The following TESK2 variants were observed in gnomAD, a reference collection of about 807,000 sequenced individuals.
TESK2 encodes dual specificity testis-specific protein kinase 2.
In TESK2, 39 loss-of-function variants were observed where a neutral mutation model predicts 57.1. The ratio of observed to expected loss-of-function variants is 0.68; its 90% CI spans 0.53 to 0.89. The LOEUF (loss-of-function observed/expected upper bound fraction) is 0.89. TESK2 is among the 40% of genes least tolerant of loss of function. The pLI is 0.00. For missense variants in TESK2, 646 were observed against 732.1 expected (o/e 0.88, Z 1.36); for synonymous variants, 249 against 267.9 (o/e 0.93, Z 0.69).
rs1650035168 is a variant in TESK2, at chr1:45,411,394, G to A, written c.344+10331C>T. Among the ~76,000 whole-genome samples, 6 of 152,118 alleles carry A rather than the reference G, an allele frequency of 3.9e-5. No homozygotes were observed. In the South Asian group the frequency reaches 1.2e-3, roughly 31 times the overall value. ...TTCCACCTGAGATCATCAGGCATTT[G>A]ATTCTCATAAGGGACGTGCAACCAA... On this transcript the variant is annotated intron_variant, in intron 3 of 10. Transcript: ENST00000372086.
chr1:45,417,275 A>G (rs545718464), intron 3 of TESK2, among the ~76,000 whole-genome samples: 4 of 152,042 alleles, frequency 2.6e-5, no homozygotes, highest in Non-Finnish European at 5.9e-5. Context: ...CTTGTTGCCC[A>G]GGCTGGAACG....
At chr1:45,375,246 C>T (rs1337856918) in intron 4 of TESK2, among the ~76,000 whole-genome samples, 2 of 152,098 alleles carry the variant, frequency 1.3e-5, no homozygotes, top group Admixed American at 6.6e-5. Flanking sequence ...TCTGATCTAG[C>T]CAGTGTTTCC....
chr1:45,474,906 T>C (rs533459201), intron 1 of TESK2, among the ~76,000 whole-genome samples: 11 of 151,418 alleles, frequency 7.3e-5, no homozygotes, highest in South Asian at 2.1e-4. Flanking sequence ...TAATGTGAGA[T>C]GGTAAAGCAC....
intron 2 of TESK2, among the ~76,000 whole-genome samples, chr1:45,429,345 G>A (rs534286557): frequency 1.3e-5 from 2 of 151,932 alleles, no homozygotes; most frequent in Non-Finnish European, 2.9e-5. Context: ...GCAGTGAGCC[G>A]AGATTGTGCC....
At chr1:45,417,880 C>T (rs1017776649) in intron 3 of TESK2, among the ~76,000 whole-genome samples, 3 of 152,130 alleles carry the variant, frequency 2.0e-5, no homozygotes, top group South Asian at 2.1e-4. Flanking sequence ...CGTGAGCCAC[C>T]GTACCCAGCA....
chr1:45,428,816 ATTT>A (rs71052876), intron 2 of TESK2, among the ~76,000 whole-genome samples: 3 of 82,592 alleles, frequency 3.6e-5, no homozygotes, highest in Non-Finnish European at 6.3e-5. Context: ...TAAATTCCTG[ATTT>A]TTTTTTTTTT....
chr1:45,386,580 A>C (rs1387491334), intron 3 of TESK2, among the ~76,000 whole-genome samples: 1 of 151,850 alleles, frequency 6.6e-6, no homozygotes, highest in Non-Finnish European at 1.5e-5. Context: ...TATATGGATT[A>C]GTTTTTTTAC....
At chr1:45,368,886 T>C (rs527347733) in intron 4 of TESK2, among the ~76,000 whole-genome samples, 1 of 151,944 alleles carries the variant, frequency 6.6e-6, no homozygotes, top group Non-Finnish European at 1.5e-5. Context: ...GAAGCTGGAA[T>C]TACAGGTGTG....
intron 4 of TESK2, among the ~76,000 whole-genome samples, chr1:45,384,612 T>TTA (rs1557551592): frequency 7.5e-5 from 10 of 133,734 alleles, no homozygotes; most frequent in Admixed American, 1.5e-4. Flanking sequence ...TTTTTTTTTT[T>TTA]TTTTTTTTTT....
chr1:45,479,729 A>G (rs931447060), intron 1 of TESK2, among the ~76,000 whole-genome samples: 2 of 151,832 alleles, frequency 1.3e-5, no homozygotes, highest in Admixed American at 6.6e-5. Flanking sequence ...CAGTTCACAG[A>G]GCATTTTGAT....
intron 1 of TESK2, among the ~76,000 whole-genome samples, chr1:45,483,275 C>T (rs1290531672): frequency 2.0e-4 from 29 of 147,954 alleles, no homozygotes; most frequent in Admixed American, 1.9e-3. Context: ...AGAGAGACTT[C>T]GTCTCAAAAA....
intron 2 of TESK2, among the ~76,000 whole-genome samples, chr1:45,440,800 C>T (rs1308263510): frequency 3.3e-5 from 5 of 152,048 alleles, no homozygotes; most frequent in Non-Finnish European, 7.4e-5. Flanking sequence ...CTGACACTCT[C>T]GTTTGCTGAC....
At chr1:45,369,173 T>C (rs1174260113) in intron 4 of TESK2, among the ~76,000 whole-genome samples, 3 of 152,138 alleles carry the variant, frequency 2.0e-5, no homozygotes, top group Non-Finnish European at 4.4e-5. Context: ...TGTACATTTA[T>C]GTAGGGAAGC....
At position 45,344,808 on chromosome 1, in the gene TESK2, C is replaced by T. The variant is rs757451975; in HGVS notation, c.*32G>A. The T allele has an allele frequency of 1.4e-5, 22 of 1,572,986 alleles. No homozygotes were observed. The South Asian group carries it at 2.4e-4, about 17-fold the overall frequency. On this transcript the variant is annotated 3_prime_UTR_variant, in exon 11 of 11. Transcript: ENST00000372086. ...GGCCATATGGTTTCAGCTGAAGGTCCATCCCCAAGGTGAGGCAGGGACTAA... is the reference window on the plus strand; with the variant it reads ...GGCCATATGGTTTCAGCTGAAGGTCTATCCCCAAGGTGAGGCAGGGACTAA...
intron 4 of TESK2, among the ~76,000 whole-genome samples, chr1:45,379,034 T>C (rs1253546655): frequency 6.6e-6 from 1 of 152,136 alleles, no homozygotes; most frequent in Admixed American, 6.5e-5. Flanking sequence ...CAACTTCACA[T>C]CTTTATCATG....
At chr1:45,481,631 T>G (rs528575709) in intron 1 of TESK2, among the ~76,000 whole-genome samples, 144 of 152,062 alleles carry the variant, frequency 9.5e-4, no homozygotes, top group Non-Finnish European at 1.7e-3. Flanking sequence ...TACATACAGA[T>G]TTTTTTCAAC....
In TESK2 at chr1:45,421,776, A is replaced by C. The variant is rs1435600537; in HGVS notation, c.293T>G (p.Met98Arg). Residue 98 changes from methionine (M) to arginine (R), a missense_variant, in exon 3 of 11, where the codon ATG becomes AGG. Physicochemically the swap from Met to Arg is moderately conservative, Grantham distance 91. Transcript: ENST00000372086. ...MNTLSSNRAN[M>R]LKEVQLMNRL... ...ATTCATGAGCTGTACTTCTTTCAGC[A>C]TGTTTGCCCGGTTACTGCTCAATGT... 1 of 1,614,106 alleles carries C rather than the reference A, an allele frequency of 6.2e-7. No homozygotes were observed. The highest frequency in any genetic ancestry group is 8.5e-7 in the Non-Finnish European group (1 of 1,179,992).
At chr1:45,385,191 T>C (rs1019141902) in intron 4 of TESK2, 3 of 197,570 alleles carry the variant, frequency 1.5e-5, no homozygotes, top group African/African-American at 7.1e-5. Flanking sequence ...TTTAAAAATA[T>C]AGATGTAATA....
chr1:45,481,355 A>G (rs1653215407), intron 1 of TESK2, among the ~76,000 whole-genome samples: 1 of 151,780 alleles, frequency 6.6e-6, no homozygotes, highest in African/African-American at 2.4e-5. Flanking sequence ...ACAGAGCAAC[A>G]CTCCGTCTCA....
Sources: gnomAD v4.1 joint callset for allele counts (sites outside exome capture counted in the v4.1 genomes callset) on GRCh38, gnomAD v4.1.1 for gene constraint, MANE v1.5 for transcripts, NCBI Gene and HGNC (gene_info 2026-07-23, HGNC 2026-07-21) for gene names.